Variants in GPC6 observed in about 807,000 individuals in gnomAD.
GPC6 encodes glypican-6.
In GPC6, 14 loss-of-function variants were observed where a neutral mutation model predicts 55.2. The ratio of observed to expected loss-of-function variants is 0.25; its 90% confidence interval spans 0.17 to 0.40. The LOEUF is 0.40. GPC6 is among the 10% of genes least tolerant of loss of function. GPC6 has a pLI of 1.00. For missense variants in GPC6, 641 were observed against 708.5 expected, an observed-to-expected ratio of 0.90 and a Z score of 1.08; for synonymous variants, 278 against 259.6, an observed-to-expected ratio of 1.07 and a Z score of -0.68.
Position 93,655,629 on chromosome 13 carries a change from T to C in GPC6, c.319+110208T>C, listed in dbSNP as rs577627072. 2.0e-5 allele frequency among the ~76,000 whole-genome samples: 3 copies of C among 152,304 alleles called. No homozygotes were observed. In the South Asian group the frequency reaches 6.2e-4, roughly 32 times the overall value. On this transcript the variant is annotated intron_variant, in intron 2 of 8. Coordinates refer to ENST00000377047, the MANE Select transcript of GPC6 (RefSeq NM_005708.5). ...GGGGGAAAGAACAGGAAACTTACCC[T>C]GAAAAATCTATGTGTATACTAACAA... is the stretch of plus-strand genomic sequence containing the variant.
intron 6 of GPC6, among the ~76,000 whole-genome samples, chr13:94,330,350 C>G (rs1877347449): frequency 6.6e-6 from 1 of 152,222 alleles, no homozygotes; most frequent in Admixed American, 6.5e-5. Flanking sequence ...AACTCAGGAA[C>G]TCTCAGTCTT....
intron 4 of GPC6, among the ~76,000 whole-genome samples, chr13:94,098,093 T>C (rs1885730230): frequency 6.6e-6 from 1 of 152,168 alleles, no homozygotes. Flanking sequence ...CCCCAGGCAT[T>C]TGTATGAACT....
intron 2 of GPC6, among the ~76,000 whole-genome samples, chr13:93,807,777 C>A (rs151121376): frequency 6.6e-6 from 1 of 152,104 alleles, no homozygotes; most frequent in Non-Finnish European, 1.5e-5. Flanking sequence ...GACTCACTTG[C>A]GATAAATAAA....
At chr13:93,912,712 C>T (rs1877069721) in intron 3 of GPC6, among the ~76,000 whole-genome samples, 1 of 152,138 alleles carries the variant, frequency 6.6e-6, no homozygotes, top group South Asian at 2.1e-4. Context: ...CACTGCACTC[C>T]AGCCTGGGCG....
chr13:94,210,685 C>G (rs1020993032), intron 4 of GPC6, among the ~76,000 whole-genome samples: 2 of 152,232 alleles, frequency 1.3e-5, no homozygotes, highest in African/African-American at 4.8e-5. Flanking sequence ...AAGCTTTCAT[C>G]TTAAAGTTGT....
intron 2 of GPC6, among the ~76,000 whole-genome samples, chr13:93,609,907 T>A (rs1276466827): frequency 6.6e-6 from 1 of 152,180 alleles, no homozygotes; most frequent in East Asian, 1.9e-4. Flanking sequence ...CCGACAATAC[T>A]TTTGGAGTCT....
intron 2 of GPC6, among the ~76,000 whole-genome samples, chr13:93,573,155 A>G (rs999080537): frequency 7.2e-5 from 11 of 152,100 alleles, no homozygotes; most frequent in African/African-American, 2.7e-4. Flanking sequence ...AAAGACAAAG[A>G]TCCCTGCTTG....
chr13:94,371,945 T>C (rs914434891), intron 6 of GPC6, among the ~76,000 whole-genome samples: 2 of 152,182 alleles, frequency 1.3e-5, no homozygotes, highest in Non-Finnish European at 2.9e-5. Flanking sequence ...TTCAATAATA[T>C]CAACTACTAT....
chr13:93,842,484 T>G (rs1323596021), intron 3 of GPC6, among the ~76,000 whole-genome samples: 1 of 152,172 alleles, frequency 6.6e-6, no homozygotes, highest in Non-Finnish European at 1.5e-5. Context: ...GTGCAGATTT[T>G]TTTTCAGTGT....
chr13:93,976,287 A>G (rs1006009482), intron 3 of GPC6, among the ~76,000 whole-genome samples: 1 of 151,718 alleles, frequency 6.6e-6, no homozygotes, highest in Non-Finnish European at 1.5e-5. Context: ...AATACTAAAC[A>G]TACTAATTAT....
chr13:94,094,195 T>C (rs1885589652), intron 4 of GPC6, among the ~76,000 whole-genome samples: 1 of 152,084 alleles, frequency 6.6e-6, no homozygotes, highest in African/African-American at 2.4e-5. Context: ...AGCTGAAGTC[T>C]TTCTTCCTAC....
At chr13:94,076,361 A>G (rs1267147255) in intron 4 of GPC6, among the ~76,000 whole-genome samples, 2 of 151,862 alleles carry the variant, frequency 1.3e-5, no homozygotes, top group East Asian at 1.9e-4. Context: ...TACATTGGAT[A>G]TTATCTATCT....
chr13:93,521,391 A>G (rs1881416892), intron 1 of GPC6, among the ~76,000 whole-genome samples: 2 of 152,036 alleles, frequency 1.3e-5, no homozygotes, highest in South Asian at 2.1e-4. Context: ...GCTACTTGAT[A>G]TACTAATTTC....
chr13:94,374,420 C>G (rs1189760687), intron 6 of GPC6, among the ~76,000 whole-genome samples: 1 of 148,914 alleles, frequency 6.7e-6, no homozygotes, highest in Non-Finnish European at 1.5e-5. Context: ...CAATCCTAGT[C>G]TCTGATAAAA....
At chr13:93,820,028 C>T (rs1297693684) in intron 2 of GPC6, among the ~76,000 whole-genome samples, 1 of 152,158 alleles carries the variant, frequency 6.6e-6, no homozygotes, top group Non-Finnish European at 1.5e-5. Context: ...TTCATTTTTG[C>T]AACTGAATTA....
chr13:93,306,210 G>T lies in GPC6; in HGVS notation c.160+78594G>T, dbSNP rs374260411. On this transcript the variant is annotated intron_variant, in intron 1 of 8. Coordinates refer to ENST00000377047, the MANE Select transcript of GPC6 (RefSeq NM_005708.5). ...TCAAACAAAATAGTTATTATTTTAT[G>T]GTAAAAGATTGAAATGTAAAGACAA... Among the ~76,000 whole-genome samples the T allele has an allele frequency of 5.3e-5, 8 of 152,250 alleles. No individual in the cohort carries two copies. The East Asian group carries it at 1.2e-3, about 22-fold the overall frequency.
chr13:93,410,356 A>G (rs1427907740), intron 1 of GPC6, among the ~76,000 whole-genome samples: 1 of 152,224 alleles, frequency 6.6e-6, no homozygotes, highest in African/African-American at 2.4e-5. Context: ...ATTTAACAAT[A>G]AAGCTTAACT....
intron 2 of GPC6, among the ~76,000 whole-genome samples, chr13:93,787,378 A>C (rs1885845942): frequency 6.6e-6 from 1 of 152,208 alleles, no homozygotes; most frequent in Non-Finnish European, 1.5e-5. Flanking sequence ...GACAATGTGC[A>C]CAGGAATGTG....
At chr13:93,909,700 G>C (rs1367296688) in intron 3 of GPC6, among the ~76,000 whole-genome samples, 2 of 122,844 alleles carry the variant, frequency 1.6e-5, no homozygotes, top group Non-Finnish European at 3.6e-5. Flanking sequence ...ATATTGAATG[G>C]AAGCAGAAGG....
Sources: gnomAD v4.1 joint callset for allele counts (sites outside exome capture counted in the v4.1 genomes callset) on GRCh38, gnomAD v4.1.1 for gene constraint, MANE v1.5 for transcripts, NCBI Gene and HGNC (gene_info 2026-07-23, HGNC 2026-07-21) for gene names.